FAM13C: variants seen among roughly 807,000 people sequenced by gnomAD.
FAM13C encodes protein FAM13C.
FAM13C carries 37 observed loss-of-function variants against 73.2 expected under a neutral mutation model. The ratio of observed to expected loss-of-function variants is 0.51; its 90% CI spans 0.39 to 0.67. The LOEUF is 0.67. FAM13C is among the 30% of genes least tolerant of loss of function. The pLI, the probability that FAM13C is intolerant of heterozygous loss-of-function variation, is 0.00. For missense variants in FAM13C, 589 were observed against 715.6 expected (o/e 0.82, Z 2.02); for synonymous variants, 246 against 260.9 (o/e 0.94, Z 0.55).
At chr10:59,261,267 A>G (rs756139212) in intron 10 of FAM13C, among the ~76,000 whole-genome samples, 4 of 152,090 alleles carry the variant, frequency 2.6e-5, no homozygotes, top group African/African-American at 4.8e-5. Context: ...CACAACATGT[A>G]TTTGTTGTTG....
At chr10:59,261,731 A>G (rs1420154300) in intron 10 of FAM13C, among the ~76,000 whole-genome samples, 1 of 152,168 alleles carries the variant, frequency 6.6e-6, no homozygotes, top group Admixed American at 6.5e-5. Context: ...TAGGGTTGAG[A>G]CAGGGGACTA....
At chr10:59,270,805 C>T (rs1224263943) in intron 6 of FAM13C, among the ~76,000 whole-genome samples, 1 of 152,164 alleles carries the variant, frequency 6.6e-6, no homozygotes, top group Non-Finnish European at 1.5e-5. Context: ...AGGAATTATT[C>T]TATTTTTTTC....
intron 4 of FAM13C, among the ~76,000 whole-genome samples, chr10:59,321,461 G>A (rs112335665): frequency 0.016 from 1,696 of 103,798 alleles, 39 homozygotes; most frequent in African/African-American, 0.05. Context: ...TTTTTTTTTG[G>A]CCCAGGGAGA....
At chr10:59,267,612 C>G (rs1156570603) in intron 8 of FAM13C, among the ~76,000 whole-genome samples, 2 of 152,160 alleles carry the variant, frequency 1.3e-5, no homozygotes, top group African/African-American at 4.8e-5. Flanking sequence ...CAGTGAATTT[C>G]AGGCCACTGT....
intron 4 of FAM13C, among the ~76,000 whole-genome samples, chr10:59,305,461 A>G (rs1315078120): frequency 2.0e-5 from 3 of 152,154 alleles, no homozygotes; most frequent in Non-Finnish European, 4.4e-5. Flanking sequence ...TTATAAAAAG[A>G]TTTCTTTGGG....
intron 4 of FAM13C, among the ~76,000 whole-genome samples, chr10:59,305,776 G>C (rs1296903307): frequency 1.3e-5 from 2 of 152,196 alleles, no homozygotes; most frequent in African/African-American, 2.4e-5. Context: ...GGGTGGGAGA[G>C]AGCCTAAGGC....
At chr10:59,282,636 T>C (rs1226301606) in intron 6 of FAM13C, 1 of 152,156 alleles carries the variant, frequency 6.6e-6, no homozygotes, top group African/African-American at 2.4e-5. Context: ...TCTGCAAACT[T>C]GTGACCTCTT....
chr10:59,337,751 C>T (rs1390948339), intron 3 of FAM13C, among the ~76,000 whole-genome samples: 21 of 130,080 alleles, frequency 1.6e-4, no homozygotes, highest in African/African-American at 5.4e-4. Context: ...ATGATCTCTG[C>T]TCATTGCAAC....
At chr10:59,326,331 C>A (rs1354149845) in intron 3 of FAM13C, among the ~76,000 whole-genome samples, 9 of 152,064 alleles carry the variant, frequency 5.9e-5, no homozygotes. Context: ...ACCTATGTTT[C>A]TTTTCCCCAC....
At chr10:59,296,063 C>T (rs1846881697) in intron 5 of FAM13C, among the ~76,000 whole-genome samples, 1 of 152,184 alleles carries the variant, frequency 6.6e-6, no homozygotes, top group Non-Finnish European at 1.5e-5. Context: ...ATAGAGCTGC[C>T]TATTCTTACA....
At chr10:59,333,603 G>A (rs1852307768) in intron 3 of FAM13C, among the ~76,000 whole-genome samples, 2 of 152,172 alleles carry the variant, frequency 1.3e-5, no homozygotes, top group Non-Finnish European at 2.9e-5. Flanking sequence ...AAGGCAAACA[G>A]CCTGTTGATA....
intron 5 of FAM13C, 57 bp downstream of exon 5, chr10:59,302,744 A>G (rs1301178556): frequency 6.7e-7 from 1 of 1,496,300 alleles, no homozygotes; most frequent in African/African-American, 1.4e-5. Context: ...GAAAAAGAAT[A>G]GTAAATCTCA....
At position 59,253,061 on chromosome 10, in the gene FAM13C, A is replaced by G. The variant is rs896597693; in HGVS notation, c.1333-63T>C. Reference sequence around the variant, plus strand: ...ATGCTCAGTGCCTCTTGAGGAAACAAAAACAGGAAGGGGAACTATAAATCA... The same window carrying G: ...ATGCTCAGTGCCTCTTGAGGAAACAGAAACAGGAAGGGGAACTATAAATCA... On this transcript the variant is annotated intron_variant, in intron 11 of 13. Transcript: ENST00000618804. 4.6e-6 allele frequency: 7 copies of G among 1,525,132 alleles called. No homozygotes were observed. The African/African-American group carries it at 8.2e-5, about 18-fold the overall frequency. The allele number at this position is 1,525,132 out of a possible 1,614,324, so 94.5% of individuals were successfully genotyped here.
intron 3 of FAM13C, among the ~76,000 whole-genome samples, chr10:59,335,506 G>T (rs952616279): frequency 2.6e-5 from 4 of 152,060 alleles, no homozygotes; most frequent in Non-Finnish European, 5.9e-5. Flanking sequence ...TAACCCAAAG[G>T]CTACCCCACC....
At chr10:59,355,566 A>G (rs11006445) in intron 2 of FAM13C, among the ~76,000 whole-genome samples, 10,763 of 152,120 alleles carry the variant, frequency 0.071, 437 homozygotes, top group East Asian at 0.12. Context: ...CAGACACTCA[A>G]TAATATGTTT....
intron 4 of FAM13C, among the ~76,000 whole-genome samples, chr10:59,303,478 G>A (rs1847841847): frequency 6.6e-6 from 1 of 152,206 alleles, no homozygotes; most frequent in African/African-American, 2.4e-5. Flanking sequence ...TGTTTTGATT[G>A]AATGAATGTG....
chr10:59,308,780 C>T (rs1848585921), intron 4 of FAM13C, among the ~76,000 whole-genome samples: 1 of 152,202 alleles, frequency 6.6e-6, no homozygotes, highest in Non-Finnish European at 1.5e-5. Flanking sequence ...TTGTGGATAG[C>T]CCACTGAAAT....
chr10:59,331,708 T>C (rs1564596952), intron 3 of FAM13C, among the ~76,000 whole-genome samples: 1 of 152,154 alleles, frequency 6.6e-6, no homozygotes, highest in African/African-American at 2.4e-5. Flanking sequence ...AAGAGATGAC[T>C]GTCACTTGGA....
At chr10:59,305,628 A>AT (rs113360003) in intron 4 of FAM13C, among the ~76,000 whole-genome samples, 37 of 150,960 alleles carry the variant, frequency 2.5e-4, no homozygotes, top group African/African-American at 4.1e-4. Flanking sequence ...TAAGAATACA[A>AT]TTTTTTTTTT....
Sources: gnomAD v4.1 joint callset for allele counts (sites outside exome capture counted in the v4.1 genomes callset) on GRCh38, gnomAD v4.1.1 for gene constraint, MANE v1.5 for transcripts, NCBI Gene and HGNC (gene_info 2026-07-23, HGNC 2026-07-21) for gene names.